Variants in MYRIP observed in about 807,000 individuals in gnomAD.
MYRIP encodes myosin VIIA and Rab interacting protein, also known as rab effector MyRIP.
MYRIP carries 49 observed loss-of-function variants against 98.0 expected under a neutral mutation model. The observed-to-expected ratio is 0.50, with a 90% CI of 0.40 to 0.63. MYRIP has a LOEUF of 0.63. MYRIP is among the 30% of genes least tolerant of loss of function. MYRIP has a pLI of 0.00. For synonymous variants in MYRIP, 404 were observed against 409.5 expected, an observed-to-expected ratio of 0.99 and a Z score of 0.16; for missense variants, 1,004 against 1,058.2, an observed-to-expected ratio of 0.95 and a Z score of 0.71.
chr3:40,220,295 C>G (rs1315389767), intron 11 of MYRIP, among the ~76,000 whole-genome samples: 2 of 152,116 alleles, frequency 1.3e-5, no homozygotes, highest in Non-Finnish European at 2.9e-5. Context: ...TGCCTGTTCA[C>G]TCTGATGGTA....
chr3:40,231,669 C>CTTT (rs1445567243), intron 11 of MYRIP, among the ~76,000 whole-genome samples: 2 of 152,218 alleles, frequency 1.3e-5, no homozygotes, highest in African/African-American at 2.4e-5. Flanking sequence ...TTAAGCATCT[C>CTTT]TTAAGTCCTT....
chr3:39,952,808 C>T (rs982817764), intron 2 of MYRIP, among the ~76,000 whole-genome samples: 6 of 152,078 alleles, frequency 3.9e-5, no homozygotes, highest in Non-Finnish European at 8.8e-5. Flanking sequence ...GTAAATTATT[C>T]GTTGACAGGA....
chr3:40,093,520 G>A (rs1948766637), intron 3 of MYRIP, among the ~76,000 whole-genome samples: 1 of 152,166 alleles, frequency 6.6e-6, no homozygotes, highest in Non-Finnish European at 1.5e-5. Flanking sequence ...CAACTATGCA[G>A]ACCAGCTATG....
intron 11 of MYRIP, among the ~76,000 whole-genome samples, chr3:40,226,896 C>T (rs1367515895): frequency 1.3e-5 from 2 of 152,186 alleles, no homozygotes; most frequent in East Asian, 3.9e-4. Flanking sequence ...TAAGACCTCC[C>T]CTCTGCCTCC....
At chr3:40,024,926 T>C (rs963217531) in intron 2 of MYRIP, among the ~76,000 whole-genome samples, 2 of 152,210 alleles carry the variant, frequency 1.3e-5, no homozygotes, top group African/African-American at 4.8e-5. Flanking sequence ...GGGCAGCTTT[T>C]ACTTTTTGGT....
chr3:40,231,972 C>T (rs1952673044), intron 11 of MYRIP, among the ~76,000 whole-genome samples: 1 of 152,158 alleles, frequency 6.6e-6, no homozygotes, highest in Non-Finnish European at 1.5e-5. Flanking sequence ...TTATTTTGAG[C>T]CCAATTTGTC....
At chr3:39,993,547 C>T (rs945881280) in intron 2 of MYRIP, among the ~76,000 whole-genome samples, 1 of 152,184 alleles carries the variant, frequency 6.6e-6, no homozygotes, top group Non-Finnish European at 1.5e-5. Context: ...TTTTTGACTA[C>T]AAGAGTCAGT....
rs1437789781 is a variant in MYRIP, at chr3:40,192,354, T to TATATGTCATATA, written c.1665+1891_1665+1892insATATGTCATATA. 2.0e-3 allele frequency among the ~76,000 whole-genome samples: 71 copies of TATATGTCATATA among 34,858 alleles called. No individual in the cohort carries two copies. In the Admixed American group the frequency reaches 0.021, roughly 10 times the overall value. The allele number at this position is 34,858 out of a possible 152,430, so 22.9% of individuals were successfully genotyped here. On this transcript the variant is annotated intron_variant, in intron 10 of 16. Transcript: ENST00000302541. ...ATATATATATATGTCATATATATAT[T>TATATGTCATATA]TATATTTATTTAAGTTATTTACTTT...
rs182487622 is a variant in MYRIP, at chr3:40,256,327, G to A, written c.2548-1807G>A. ...AACTACTGAATTAGAAAAATCCACA[G>A]GGCACTTACTTACAAAATGAAAACA... On this transcript the variant is annotated intron_variant, in intron 16 of 16. Transcript: ENST00000302541. Among the ~76,000 whole-genome samples, 12 of 151,998 alleles carry A rather than the reference G, an allele frequency of 7.9e-5. No homozygotes were observed. The East Asian group carries it at 2.1e-3, about 27-fold the overall frequency.
chr3:39,938,864 C>T (rs1192411661), intron 2 of MYRIP, among the ~76,000 whole-genome samples: 2 of 152,094 alleles, frequency 1.3e-5, no homozygotes, highest in Non-Finnish European at 2.9e-5. Context: ...AAAGCTAAGG[C>T]GTGGAGAGGT....
At chr3:40,046,556 G>T (rs769339841) in intron 3 of MYRIP, among the ~76,000 whole-genome samples, 2 of 146,012 alleles carry the variant, frequency 1.4e-5, no homozygotes, top group South Asian at 4.6e-4. Context: ...TCATGGAAAA[G>T]GAGGGCATCC....
intron 3 of MYRIP, 94 bp from the exon 4 acceptor site, chr3:40,150,954 A>G: frequency 1.6e-6 from 2 of 1,238,486 alleles, no homozygotes; most frequent in East Asian, 5.6e-5. Context: ...TAAACTTCAC[A>G]TCTTGATGGA....
intron 2 of MYRIP, among the ~76,000 whole-genome samples, chr3:39,979,409 C>T (rs189598971): frequency 1.7e-3 from 255 of 152,168 alleles, no homozygotes; most frequent in Middle Eastern, 6.8e-3. Flanking sequence ...AAGGCCAAGG[C>T]GGGCGGATCA....
intron 2 of MYRIP, among the ~76,000 whole-genome samples, chr3:39,998,812 A>G (rs936226991): frequency 6.6e-6 from 1 of 152,210 alleles, no homozygotes; most frequent in Non-Finnish European, 1.5e-5. Context: ...ACAGCATGGT[A>G]CTGGTACCAA....
chr3:40,097,683 C>T (rs1042758946), intron 3 of MYRIP, among the ~76,000 whole-genome samples: 5 of 152,280 alleles, frequency 3.3e-5, no homozygotes, highest in East Asian at 3.9e-4. Flanking sequence ...CAAATGTGCA[C>T]GATTTCCATT....
At chr3:39,840,562 A>G (rs1941770670) in intron 1 of MYRIP, among the ~76,000 whole-genome samples, 1 of 151,704 alleles carries the variant, frequency 6.6e-6, no homozygotes, top group Admixed American at 6.6e-5. Context: ...TAGTTTTTTC[A>G]TAGTGTTGAT....
At chr3:40,090,168 G>T (rs1003478843) in intron 3 of MYRIP, among the ~76,000 whole-genome samples, 3 of 152,020 alleles carry the variant, frequency 2.0e-5, no homozygotes, top group Non-Finnish European at 2.9e-5. Flanking sequence ...TTGAGACCTT[G>T]TACAAAATCC....
Position 40,260,043 on chromosome 3 carries a change from A to C in MYRIP, c.*1877A>C, listed in dbSNP as rs1463668076. ...CTTTTATAAAGGTTTCCTTGTGCCA[A>C]ATAAGTGCAAAGATTTAATTTACTA... On this transcript the variant is annotated 3_prime_UTR_variant, in exon 17 of 17. Transcript: ENST00000302541. 6.5e-6 allele frequency: 1 copy of C among 152,696 alleles called. No homozygotes were observed. The highest frequency in any genetic ancestry group is 2.4e-5 in the African/African-American group (1 of 41,474). 9.5% of individuals were successfully genotyped at this position (152,696 alleles called of 1,614,324 possible).
intron 2 of MYRIP, among the ~76,000 whole-genome samples, chr3:39,904,908 G>C (rs528806012): frequency 1.3e-5 from 2 of 152,218 alleles, no homozygotes; most frequent in East Asian, 3.9e-4. Flanking sequence ...GACTGTTGGG[G>C]GAAGATAGAG....
Sources: allele counts gnomAD v4.1 joint callset (sites outside exome capture counted in the v4.1 genomes callset), GRCh38; gene constraint gnomAD v4.1.1; transcripts MANE v1.5; gene names NCBI Gene and HGNC (gene_info 2026-07-23, HGNC 2026-07-21).